PARP8: variants seen among roughly 807,000 people sequenced by gnomAD.
PARP8 encodes the protein poly(ADP-ribose) polymerase family member 8, also known as protein mono-ADP-ribosyltransferase PARP8.
Under a neutral mutation model 124.1 loss-of-function variants are expected in PARP8, and 51 were observed. The observed-to-expected ratio is 0.41, with a 90% CI of 0.33 to 0.52. The LOEUF is 0.52. Ranked by LOEUF, PARP8 falls within the 20% of genes least tolerant of loss-of-function variation. The pLI is 0.21. For missense variants in PARP8, 860 were observed against 1,018.9 expected (o/e 0.84, Z 2.12); for synonymous variants, 391 against 361.5 (o/e 1.08, Z -0.93).
chr5:50,828,500 T>A, intron 21 of PARP8, 116 bp downstream of exon 21: 1 of 892,436 alleles, frequency 1.1e-6, no homozygotes, highest in Non-Finnish European at 1.8e-6. Context: ...TAAGACATTA[T>A]ATGGAATTTC....
At chr5:50,829,798 C>G in intron 21 of PARP8, 94 bp from the exon 22 acceptor site, 10 of 1,210,580 alleles carry the variant, frequency 8.3e-6, no homozygotes, top group Non-Finnish European at 1.1e-5. Flanking sequence ...TTTTGTAAGA[C>G]TGAATGTTCT....
intron 8 of PARP8, 88 bp from the exon 9 acceptor site, chr5:50,778,472 G>A (rs140419243): frequency 2.2e-5 from 25 of 1,157,550 alleles, no homozygotes; most frequent in Middle Eastern, 2.9e-4. Context: ...TGCATTTTGC[G>A]AACACAAGTT....
At chr5:50,707,847 G>A (rs1754321215) in intron 2 of PARP8, among the ~76,000 whole-genome samples, 1 of 152,056 alleles carries the variant, frequency 6.6e-6, no homozygotes, top group African/African-American at 2.4e-5. Flanking sequence ...ATATGCGTGA[G>A]TTGCACTTTA....
At chr5:50,741,307 A>G (rs1223171955) in intron 2 of PARP8, among the ~76,000 whole-genome samples, 1 of 152,192 alleles carries the variant, frequency 6.6e-6, no homozygotes, top group Non-Finnish European at 1.5e-5. Flanking sequence ...TTGGAATTGT[A>G]TTGTTGTCCT....
At chr5:50,703,512 T>C (rs1482982746) in intron 2 of PARP8, among the ~76,000 whole-genome samples, 1 of 152,122 alleles carries the variant, frequency 6.6e-6, no homozygotes, top group Non-Finnish European at 1.5e-5. Context: ...TCATGATTAT[T>C]ATTACTGCCA....
intron 2 of PARP8, among the ~76,000 whole-genome samples, chr5:50,679,329 C>G (rs371016608): frequency 3.9e-5 from 6 of 152,144 alleles, no homozygotes; most frequent in Admixed American, 3.9e-4. Flanking sequence ...TTTCCTTTCT[C>G]CTGTTTTGGG....
Position 50,763,181 on chromosome 5 carries a change from C to A in PARP8, c.457C>A (p.Gln153Lys). The A allele has an allele frequency of 6.2e-7, 1 of 1,613,758 alleles. No individual in the cohort carries two copies. Among genetic ancestry groups the A allele is most frequent in the Non-Finnish European group, 8.5e-7 (1 of 1,179,712 alleles). ...TGATGGGGAACTGCACAAGCACCCACAACTGGAAGCTGATTTGTCAGCAGT... is the reference window on the plus strand; with the variant it reads ...TGATGGGGAACTGCACAAGCACCCAAAACTGGAAGCTGATTTGTCAGCAGT... The part of the protein sequence containing the change: ...NYDGELHKHP[Q>K]LEADLSAVRE... The change falls in exon 7 of 26, where the codon CAA becomes AAA. Residue 153 changes from glutamine to lysine, a missense_variant. Around this residue, in one of 2 missense-constraint regions of PARP8, gnomAD observed 517 missense variants for 544.2 expected, o/e 0.95. Coordinates refer to ENST00000281631, the MANE Select transcript of PARP8 (RefSeq NM_024615.4).
intron 2 of PARP8, among the ~76,000 whole-genome samples, chr5:50,719,148 T>G (rs1580084593): frequency 6.6e-6 from 1 of 152,186 alleles, no homozygotes; most frequent in African/African-American, 2.4e-5. Context: ...TTACCCATTT[T>G]TAAATTGGAT....
At chr5:50,804,561 T>G (rs1743609365) in intron 14 of PARP8, among the ~76,000 whole-genome samples, 1 of 152,204 alleles carries the variant, frequency 6.6e-6, no homozygotes, top group Non-Finnish European at 1.5e-5. Flanking sequence ...ATATCTACTT[T>G]GGAAACAAAA....
At chr5:50,799,777 C>T (rs1165573632) in intron 14 of PARP8, among the ~76,000 whole-genome samples, 3 of 152,120 alleles carry the variant, frequency 2.0e-5, no homozygotes, top group Non-Finnish European at 4.4e-5. Flanking sequence ...GTGGTGCCCT[C>T]ATGAACAGGA....
intron 2 of PARP8, among the ~76,000 whole-genome samples, chr5:50,716,688 T>C (rs754544419): frequency 3.3e-5 from 5 of 152,104 alleles, no homozygotes; most frequent in Non-Finnish European, 7.4e-5. Context: ...TGGCCTGTGG[T>C]AGGAAATTTC....
Position 50,833,984 on chromosome 5 carries a change from GA to G in PARP8, c.2319del (p.Gly774AspfsTer12). ...TAATTGTTTTTGGAATTTAGTCACA[GA>G]AAAAAGGACAGCAATCCCAATTCCT... is the stretch of plus-strand genomic sequence containing the variant. ...SKSSNTSQSQ[K>X]KGQQSQFLQS... On this transcript the variant is annotated frameshift_variant, in exon 24 of 26. Coordinates refer to ENST00000281631, the MANE Select transcript of PARP8 (RefSeq NM_024615.4). LOFTEE classifies it high-confidence loss of function. The G allele has an allele frequency of 6.2e-7, 1 of 1,611,014 alleles. No individual in the cohort carries two copies. Among genetic ancestry groups the G allele is most frequent in the Non-Finnish European group, 8.5e-7 (1 of 1,178,150 alleles).
chr5:50,761,873 C>A lies in PARP8; in HGVS notation c.398C>A (p.Ser133Tyr). The part of the protein sequence containing the change: ...VEEDSEGDND[S>Y]EEFYYGGQVN... ...GAAGATTCTGAAGGTGACAATGATT[C>A]CGAAGAATTTTATTACGGAGGGCAG... The change falls in exon 6 of 26, where the codon TCC becomes TAC. Residue 133 changes from serine to tyrosine, a missense_variant. Ser to Tyr is a moderately radical substitution (Grantham distance 144, BLOSUM62 -2). Around this residue, in one of 2 missense-constraint regions of PARP8, gnomAD observed 517 missense variants for 544.2 expected, o/e 0.95. Transcript: ENST00000281631. 1 of 1,602,714 alleles carries A rather than the reference C, an allele frequency of 6.2e-7. No individual in the cohort carries two copies. Among genetic ancestry groups the A allele is most frequent in the South Asian group, 1.1e-5 (1 of 89,954 alleles).
At chr5:50,666,368 G>C (rs1463635032), upstream of PARP8, 1 of 152,030 alleles carries the variant, frequency 6.6e-6, no homozygotes, top group Admixed American at 6.5e-5. Flanking sequence ...AAGTGGAGTC[G>C]AATTCATAAA....
intron 14 of PARP8, among the ~76,000 whole-genome samples, chr5:50,803,953 T>C (rs1254746996): frequency 6.6e-6 from 1 of 152,172 alleles, no homozygotes; most frequent in African/African-American, 2.4e-5. Context: ...GTTTTGGCAG[T>C]CCTTAGCCTT....
At chr5:50,678,119 A>G (rs1478895961) in intron 2 of PARP8, among the ~76,000 whole-genome samples, 1 of 152,304 alleles carries the variant, frequency 6.6e-6, no homozygotes, top group South Asian at 2.1e-4. Context: ...CTTTATTCAT[A>G]TATAGATTAT....
intron 2 of PARP8, among the ~76,000 whole-genome samples, chr5:50,688,950 T>G (rs542155574): frequency 6.6e-6 from 1 of 152,232 alleles, no homozygotes; most frequent in Non-Finnish European, 1.5e-5. Context: ...ATAGTATCAC[T>G]GAGTACTGCT....
chr5:50,755,135 G>A (rs907406456), intron 3 of PARP8, among the ~76,000 whole-genome samples: 6 of 152,116 alleles, frequency 3.9e-5, no homozygotes, highest in Admixed American at 3.9e-4. Flanking sequence ...TAGGCTGCCT[G>A]TTCACTCTGA....
At position 50,725,366 on chromosome 5, in the gene PARP8, G is replaced by C. The variant is rs961586482; in HGVS notation, c.147-24785G>C. 5.9e-5 allele frequency among the ~76,000 whole-genome samples: 9 copies of C among 152,130 alleles called. No individual in the cohort carries two copies. The East Asian group carries it at 1.2e-3, about 20-fold the overall frequency. On this transcript the variant is annotated intron_variant, in intron 2 of 25. Transcript: ENST00000281631. The stretch of plus-strand genomic sequence containing the variant: ...TACATGAACAATCTTACATGTTTGT[G>C]TTGCATCAAATGATGGCTAATGTCT...
Sources: gnomAD v4.1 joint callset for allele counts (sites outside exome capture counted in the v4.1 genomes callset) on GRCh38, gnomAD v4.1.1 for gene constraint, gnomAD v4.1.1 regional missense constraint, MANE v1.5 for transcripts, NCBI Gene and HGNC (gene_info 2026-07-23, HGNC 2026-07-21) for gene names.